Variants in KLHL2 observed in about 807,000 individuals in gnomAD.
The protein encoded by KLHL2 is kelch-like protein 2.
Under a neutral mutation model 75.8 loss-of-function variants are expected in KLHL2, and 15 were observed. The ratio of observed to expected loss-of-function variants is 0.20; its 90% CI spans 0.13 to 0.30. The LOEUF (loss-of-function observed/expected upper bound fraction) is 0.30, where lower values mean the gene tolerates loss of function less well. KLHL2 is among the 10% of genes least tolerant of loss of function. The pLI, the probability that KLHL2 is intolerant of heterozygous loss-of-function variation, is 1.00. For synonymous variants in KLHL2, 214 were observed against 251.9 expected (o/e 0.85, Z 1.42); for missense variants, 381 against 741.0 (o/e 0.51, Z 5.64).
intron 2 of KLHL2, among the ~76,000 whole-genome samples, chr4:165,222,068 T>G (rs1738039972): frequency 6.6e-6 from 1 of 151,992 alleles, no homozygotes. Context: ...AGCCTTGGCT[T>G]TCTGCTGGTG....
In KLHL2 at chr4:165,231,713, A is replaced by G. The variant is rs575862568; in HGVS notation, c.259+2800A>G. ...TTTGGCTATTATGAATAATACTGCT[A>G]TGAATATTCATGTGCAGTTCTTTGT... On this transcript the variant is annotated intron_variant, in intron 3 of 14. Coordinates refer to ENST00000226725, the MANE Select transcript of KLHL2 (RefSeq NM_007246.4). Among the ~76,000 whole-genome samples, 8 of 152,318 alleles carry G rather than the reference A, an allele frequency of 5.3e-5. No individual in the cohort carries two copies. The South Asian group carries it at 6.2e-4, about 12-fold the overall frequency.
intron 9 of KLHL2, 89 bp from the exon 10 acceptor site, chr4:165,310,464 A>G (rs1420533464): frequency 9.2e-7 from 1 of 1,090,684 alleles, no homozygotes; most frequent in Non-Finnish European, 1.4e-6. Context: ...TGTTCTGACA[A>G]CAGCTATAGA....
chr4:165,322,008 TTC>T (rs1747021409), intron 14 of KLHL2, 22 bp from the exon 15 acceptor site: 1 of 1,612,628 alleles, frequency 6.2e-7, no homozygotes, highest in Admixed American at 1.7e-5. Context: ...GACTTCTTTT[TTC>T]TCTCTTCATT....
chr4:165,241,059 T>C (rs1739781174), intron 4 of KLHL2, among the ~76,000 whole-genome samples: 1 of 152,248 alleles, frequency 6.6e-6, no homozygotes, highest in Admixed American at 6.5e-5. Context: ...GAATACATTC[T>C]AAGAGTTACA....
chr4:165,253,075 A>G (rs1028279347), intron 4 of KLHL2, among the ~76,000 whole-genome samples: 3 of 152,216 alleles, frequency 2.0e-5, no homozygotes, highest in African/African-American at 7.2e-5. Context: ...TCTGTTGCCC[A>G]GGCTGGAATG....
chr4:165,211,847 C>T (rs1479014603), intron 1 of KLHL2, among the ~76,000 whole-genome samples: 2 of 152,138 alleles, frequency 1.3e-5, no homozygotes, highest in Non-Finnish European at 2.9e-5. Context: ...CACCTACTCC[C>T]TGCAAAATGC....
intron 14 of KLHL2, among the ~76,000 whole-genome samples, chr4:165,318,844 A>G (rs556758804): frequency 3.3e-5 from 5 of 152,344 alleles, no homozygotes; most frequent in Non-Finnish European, 7.4e-5. Flanking sequence ...TGCACTGCAT[A>G]ACCTAGAAAT....
intron 3 of KLHL2, among the ~76,000 whole-genome samples, chr4:165,237,853 C>T (rs1166333221): frequency 2.0e-5 from 3 of 151,940 alleles, no homozygotes; most frequent in Non-Finnish European, 4.4e-5. Flanking sequence ...TGAATCCCTC[C>T]CCACCCGCAT....
chr4:165,210,181 G>A (rs1398864896), intron 1 of KLHL2: 2 of 1,551,486 alleles, frequency 1.3e-6, no homozygotes, highest in Admixed American at 2.0e-5. Context: ...TTCTCTTTGT[G>A]TAAGTGTCTG....
chr4:165,284,800 G>A (rs1305973557), intron 5 of KLHL2, among the ~76,000 whole-genome samples: 1 of 152,170 alleles, frequency 6.6e-6, no homozygotes, highest in African/African-American at 2.4e-5. Flanking sequence ...ACAAAAGAAA[G>A]GTTTATTGGA....
At chr4:165,280,565 C>T (rs140637246) in intron 5 of KLHL2, among the ~76,000 whole-genome samples, 43 of 152,290 alleles carry the variant, frequency 2.8e-4, no homozygotes, top group Non-Finnish European at 5.4e-4. Flanking sequence ...GCTGATTATT[C>T]AAGGGTCTAT....
At chr4:165,236,020 C>T (rs1229196972) in intron 3 of KLHL2, among the ~76,000 whole-genome samples, 1 of 151,886 alleles carries the variant, frequency 6.6e-6, no homozygotes, top group East Asian at 1.9e-4. Flanking sequence ...TTTGTGGAGT[C>T]AGTACTGGAG....
intron 5 of KLHL2, chr4:165,278,021 A>T: frequency 6.8e-7 from 1 of 1,477,080 alleles, no homozygotes. Context: ...TCCGATTAAC[A>T]TTGCCATGCT....
chr4:165,263,759 G>GAA (rs1170245513), intron 5 of KLHL2, among the ~76,000 whole-genome samples: 1 of 145,416 alleles, frequency 6.9e-6, no homozygotes, highest in African/African-American at 2.5e-5. Context: ...AGGCATATGA[G>GAA]AAAGTATATG....
chr4:165,290,411 AG>A (rs1744420210), intron 5 of KLHL2, among the ~76,000 whole-genome samples: 2 of 152,140 alleles, frequency 1.3e-5, no homozygotes, highest in Non-Finnish European at 2.9e-5. Flanking sequence ...CTGGGATTAC[AG>A]GCGTGAGCCA....
At position 165,315,063 on chromosome 4, in the gene KLHL2, T is replaced by C. The variant is rs556573575; in HGVS notation, c.1609+897T>C. ...ATTCTGTTTGGCCTTGCACGTCATC[T>C]AGTCAGTTGTATATGGTAATCAGTT... On this transcript the variant is annotated intron_variant, in intron 13 of 14. Transcript: ENST00000226725. Among the ~76,000 whole-genome samples, 47 of 152,298 alleles carry C rather than the reference T, an allele frequency of 3.1e-4. No homozygotes were observed. The South Asian group carries it at 7.5e-3, about 24-fold the overall frequency.
intron 3 of KLHL2, among the ~76,000 whole-genome samples, chr4:165,234,035 A>G (rs1285292428): frequency 1.3e-5 from 2 of 152,230 alleles, no homozygotes; most frequent in Admixed American, 6.5e-5. Flanking sequence ...AGTGGACCCA[A>G]CATCTCAAGG....
chr4:165,208,946 A>G (rs1052784318), intron 1 of KLHL2, among the ~76,000 whole-genome samples: 2 of 152,252 alleles, frequency 1.3e-5, no homozygotes, highest in African/African-American at 2.4e-5. Flanking sequence ...TCCAGCCAAA[A>G]TAAGGATACT....
chr4:165,268,289 G>A (rs1742404088), intron 5 of KLHL2, among the ~76,000 whole-genome samples: 1 of 151,870 alleles, frequency 6.6e-6, no homozygotes, highest in South Asian at 2.1e-4. Flanking sequence ...ATTTTTTGAA[G>A]GGTTTTTTGT....
Sources: allele counts gnomAD v4.1 joint callset (sites outside exome capture counted in the v4.1 genomes callset), GRCh38; gene constraint gnomAD v4.1.1; transcripts MANE v1.5; gene names NCBI Gene and HGNC (gene_info 2026-07-23, HGNC 2026-07-21).